The following ZNF407 variants were observed in gnomAD, a reference collection of about 807,000 sequenced individuals.
ZNF407 encodes zinc finger protein 407.
ZNF407 carries 17 observed loss-of-function variants against 131.2 expected under a neutral mutation model. The ratio of observed to expected loss-of-function variants is 0.13; its 90% CI spans 0.09 to 0.19. The LOEUF (loss-of-function observed/expected upper bound fraction) is 0.19, where lower values mean the gene tolerates loss of function less well. Among genes scored for constraint, ZNF407 ranks in the 10% least tolerant of loss-of-function variants. The pLI is 1.00. For missense variants in ZNF407, 2,681 were observed against 2,830.6 expected (o/e 0.95, Z 1.20); for synonymous variants, 1,156 against 1,062.0 (o/e 1.09, Z -1.72).
Position 74,712,247 on chromosome 18 carries a change from G to A in ZNF407, c.4803-69181G>A, listed in dbSNP as rs192475292. Among the ~76,000 whole-genome samples, 26 of 152,202 alleles carry A rather than the reference G, an allele frequency of 1.7e-4. No individual in the cohort carries two copies. The East Asian group carries it at 4.6e-3, about 27-fold the overall frequency. On this transcript the variant is annotated intron_variant, in intron 3 of 8. Coordinates refer to ENST00000299687, the MANE Select transcript of ZNF407 (RefSeq NM_017757.3). ...AGAAGTCTTGGGTTCATGTCCTAGC[G>A]CCTATGTCTTAGTTACTGGAAAATG...
chr18:74,671,330 G>GT lies in ZNF407; in HGVS notation c.4802+30216dup, dbSNP rs199618461. 2.9e-3 allele frequency among the ~76,000 whole-genome samples: 431 copies of GT among 149,236 alleles called. 2 individuals carry two copies. The highest frequency in any genetic ancestry group is 7.1e-3 in the African/African-American group (288 of 40,658). ...TACGGATGGACCACTGTTTTTTTTT[G>GT]TTTTTTTTGGCCATTACAGGTAAGT... On this transcript the variant is annotated intron_variant, in intron 3 of 8. Transcript: ENST00000299687.
intron 7 of ZNF407, among the ~76,000 whole-genome samples, chr18:74,890,364 A>G (rs1458388221): frequency 2.0e-5 from 3 of 152,088 alleles, no homozygotes; most frequent in Admixed American, 1.3e-4. Context: ...TCTCACCCAG[A>G]GTCTATACTT....
At chr18:74,612,414 A>G (rs527923496) in intron 1 of ZNF407, among the ~76,000 whole-genome samples, 6 of 152,186 alleles carry the variant, frequency 3.9e-5, no homozygotes, top group East Asian at 1.9e-4. Context: ...AGTTTTTTGT[A>G]TATACCAAAT....
chr18:74,675,023 C>G lies in ZNF407; in HGVS notation c.4802+33901C>G, dbSNP rs528914887. Among the ~76,000 whole-genome samples the G allele has an allele frequency of 8.5e-5, 13 of 152,296 alleles. No individual in the cohort carries two copies. The East Asian group carries it at 2.5e-3, about 29-fold the overall frequency. On this transcript the variant is annotated intron_variant, in intron 3 of 8. Transcript: ENST00000299687. ...TTGTGTTTTCTGAAGATGTCTCAAACTTAATATGGTCCAAATAGAATCCCT... is the reference window on the plus strand; with the variant it reads ...TTGTGTTTTCTGAAGATGTCTCAAAGTTAATATGGTCCAAATAGAATCCCT...
In ZNF407 at chr18:74,923,396, A is replaced by G. The variant is rs150616926; in HGVS notation, c.5428+2704A>G. The stretch of plus-strand genomic sequence containing the variant: ...TACAGAATATAATATGAATTATTTT[A>G]ATTCTTTAAAATTTGTGTAGACTTT... On this transcript the variant is annotated intron_variant, in intron 8 of 8. Transcript: ENST00000299687. 2.3e-3 allele frequency among the ~76,000 whole-genome samples: 356 copies of G among 151,898 alleles called. 4 individuals are homozygous for G. Among genetic ancestry groups the G allele is most frequent in the African/African-American group, 8.0e-3 (332 of 41,420 alleles).
chr18:74,831,733 C>T (rs891400245), intron 4 of ZNF407, among the ~76,000 whole-genome samples: 2 of 152,190 alleles, frequency 1.3e-5, no homozygotes, highest in African/African-American at 2.4e-5. Flanking sequence ...GTCGATGCCA[C>T]GTGTCCCCCT....
intron 4 of ZNF407, among the ~76,000 whole-genome samples, chr18:74,819,884 T>C (rs1055494617): frequency 1.3e-5 from 2 of 152,170 alleles, no homozygotes; most frequent in Admixed American, 6.5e-5. Flanking sequence ...CCCAGTGAGA[T>C]TGTAGTGCTG....
At chr18:75,047,138 C>A (rs1450663330) in intron 8 of ZNF407, among the ~76,000 whole-genome samples, 1 of 152,072 alleles carries the variant, frequency 6.6e-6, no homozygotes. Flanking sequence ...GAACTGAGCC[C>A]AGTGTTACAG....
At chr18:75,034,113 C>T (rs1973276928) in intron 8 of ZNF407, among the ~76,000 whole-genome samples, 1 of 152,104 alleles carries the variant, frequency 6.6e-6, no homozygotes, top group African/African-American at 2.4e-5. Flanking sequence ...GTTATACACA[C>T]ATATCAGCGT....
intron 7 of ZNF407, among the ~76,000 whole-genome samples, chr18:74,913,985 A>T (rs1009344846): frequency 6.6e-6 from 1 of 152,220 alleles, no homozygotes; most frequent in South Asian, 2.1e-4. Context: ...CCCTTTTGCT[A>T]ATCAGTCACC....
intron 7 of ZNF407, among the ~76,000 whole-genome samples, chr18:74,916,287 G>GTGCA (rs1971760626): frequency 8.3e-6 from 1 of 120,720 alleles, no homozygotes; most frequent in African/African-American, 3.9e-5. Flanking sequence ...GTGTGTGTGT[G>GTGCA]TGCATGTGTG....
intron 8 of ZNF407, among the ~76,000 whole-genome samples, chr18:75,005,940 T>G (rs1021455645): frequency 6.6e-6 from 1 of 152,132 alleles, no homozygotes; most frequent in Non-Finnish European, 1.5e-5. Context: ...TATGGGAGTT[T>G]TGATTCTTCG....
chr18:74,706,732 T>A (rs749997073), intron 3 of ZNF407, among the ~76,000 whole-genome samples: 19 of 152,222 alleles, frequency 1.2e-4, no homozygotes, highest in Non-Finnish European at 2.1e-4. Context: ...GGTTCTTATT[T>A]TGGGTAGGGT....
At chr18:74,921,403 A>T (rs574975563) in intron 8 of ZNF407, among the ~76,000 whole-genome samples, 5 of 152,320 alleles carry the variant, frequency 3.3e-5, no homozygotes, top group Admixed American at 2.0e-4. Flanking sequence ...ATGATAGATT[A>T]TGGGTGCGAG....
intron 7 of ZNF407, among the ~76,000 whole-genome samples, chr18:74,900,057 A>C (rs1467853600): frequency 6.6e-6 from 1 of 152,186 alleles, no homozygotes; most frequent in Admixed American, 6.5e-5. Flanking sequence ...TCTGAAATGT[A>C]CTTTAATGTT....
At chr18:75,023,366 A>C (rs1438019548) in intron 8 of ZNF407, among the ~76,000 whole-genome samples, 1 of 152,170 alleles carries the variant, frequency 6.6e-6, no homozygotes, top group African/African-American at 2.4e-5. Flanking sequence ...TGCTACCATT[A>C]ATTGTAATTA....
Position 74,631,269 on chromosome 18 carries a change from C to G in ZNF407, c.250C>G (p.Leu84Val), listed in dbSNP as rs772348445. 40 of 1,613,802 alleles carry G rather than the reference C, an allele frequency of 2.5e-5. No homozygotes were observed. In the South Asian group the frequency reaches 3.6e-4, roughly 15 times the overall value. Residue 84 changes from leucine to valine, a missense_variant, in exon 2 of 9, where the codon CTT becomes GTT. Coordinates refer to ENST00000299687, the MANE Select transcript of ZNF407 (RefSeq NM_017757.3). ...KRRKLDEAEP[L>V]KSGKQGICRL... ...CAGGAAATTAGATGAGGCAGAGCCC[C>G]TTAAATCTGGAAAGCAAGGTATTTG...
chr18:74,970,755 G>A lies in ZNF407; in HGVS notation c.5428+50063G>A, dbSNP rs190339239. Among the ~76,000 whole-genome samples the A allele has an allele frequency of 2.9e-4, 44 of 152,300 alleles. No homozygotes were observed. The Middle Eastern group carries it at 0.014, about 47-fold the overall frequency. On this transcript the variant is annotated intron_variant, in intron 8 of 8. Coordinates refer to ENST00000299687, the MANE Select transcript of ZNF407 (RefSeq NM_017757.3). ...CACGGTTCAAGCTGTCAGTGGATCT[G>A]CCATTCTGGGGTCTGGAGGATGGTG... is the stretch of plus-strand genomic sequence containing the variant.
chr18:75,063,188 C>A lies in ZNF407; in HGVS notation c.5467C>A (p.Gln1823Lys). Residue 1823 changes from glutamine to lysine, a missense_variant, in exon 9 of 9, where the codon CAA becomes AAA. Gln to Lys is a moderately conservative substitution (Grantham distance 53, BLOSUM62 1). Transcript: ENST00000299687. The surrounding 1 kb of genome is among the most constrained non-coding windows in gnomAD (Gnocchi z 6.6). ...GTCGTACGAGTGCCGTCTAAAGGGA[C>A]AAGGAGCCACCTTCGTGGAGACAGA... Reference protein sequence around the residue: ...SKSYECRLKGQGATFVETDSP... With the variant: ...SKSYECRLKGKGATFVETDSP... The A allele has an allele frequency of 6.2e-7, 1 of 1,607,372 alleles. No homozygotes were observed.
Sources: allele counts gnomAD v4.1 joint callset (sites outside exome capture counted in the v4.1 genomes callset), GRCh38; gene constraint gnomAD v4.1.1; non-coding constraint Gnocchi (gnomAD v3.1); transcripts MANE v1.5; gene names NCBI Gene and HGNC (gene_info 2026-07-23, HGNC 2026-07-21).